The following BTK variants were observed in gnomAD, a reference collection of about 807,000 sequenced individuals.
BTK encodes Bruton tyrosine kinase.
BTK carries 5 observed loss-of-function variants against 57.4 expected under a neutral mutation model. The observed-to-expected ratio is 0.09, with a 90% CI of 0.05 to 0.18. The LOEUF (loss-of-function observed/expected upper bound fraction) is 0.18, where lower values mean the gene tolerates loss of function less well. Among genes scored for constraint, BTK ranks in the 10% least tolerant of loss-of-function variants. The probability of loss-of-function intolerance (pLI) is 1.00; values close to 1 mark genes in which losing one functional copy is unlikely to be tolerated. For synonymous variants in BTK, 154 were observed against 174.3 expected, an observed-to-expected ratio of 0.88 and a Z score of 0.92; for missense variants, 194 against 501.2, an observed-to-expected ratio of 0.39 and a Z score of 5.85.
chrX:101,373,879 T>TA (rs1300228611), intron 3 of BTK, among the ~76,000 whole-genome samples: 1 of 109,082 alleles, frequency 9.2e-6, no homozygotes, highest in Non-Finnish European at 1.9e-5. Context: ...CCGTCTCTAC[T>TA]AAAAAAATAC....
intron 5 of BTK, among the ~76,000 whole-genome samples, chrX:101,364,182 G>T (rs188484951): frequency 0.014 from 1,580 of 108,999 alleles, 32 homozygotes; most frequent in African/African-American, 0.049. Context: ...GCAGAGGCGG[G>T]TAGATCACCT....
At chrX:101,383,884 C>G (rs1266273231) in intron 1 of BTK, among the ~76,000 whole-genome samples, 3 of 111,837 alleles carry the variant, frequency 2.7e-5, no homozygotes, top group Non-Finnish European at 5.6e-5. Flanking sequence ...GTTTCAGGGT[C>G]CTCAGAGGAG....
intron 3 of BTK, 34 bp downstream of exon 3, chrX:101,374,502 C>T (rs1555980779): frequency 2.7e-6 from 3 of 1,107,575 alleles, no homozygotes; most frequent in Non-Finnish European, 3.7e-6. Flanking sequence ...TTCAAATCTG[C>T]TGTTCCCCAT....
At chrX:101,374,454 C>G in intron 3 of BTK, 82 bp downstream of exon 3, 1 of 805,730 alleles carries the variant, frequency 1.2e-6, no homozygotes, top group Non-Finnish European at 1.9e-6. Flanking sequence ...CACAGCATCA[C>G]CAGTCTATTT....
At chrX:101,356,407 A>T (rs782391685) in intron 14 of BTK, 139 bp from the exon 15 acceptor site, 59 of 527,215 alleles carry the variant, frequency 1.1e-4, no homozygotes, top group African/African-American at 1.1e-3. Context: ...CCTCTTTCCC[A>T]CCCTAAATCT....
chrX:101,353,481 A>C, intron 17 of BTK, 130 bp from the exon 18 acceptor site: 3 of 688,306 alleles, frequency 4.4e-6, no homozygotes, highest in Non-Finnish European at 6.8e-6. Context: ...TATTTTGCCC[A>C]AATTTCTGCT....
chrX:101,374,462 T>C, intron 3 of BTK, 74 bp downstream of exon 3: 1 of 892,389 alleles, frequency 1.1e-6, no homozygotes, highest in Non-Finnish European at 1.7e-6. Context: ...CACCAGTCTA[T>C]TTACAGAGAA....
intron 18 of BTK, among the ~76,000 whole-genome samples, chrX:101,350,938 A>G (rs1926267043): frequency 8.9e-6 from 1 of 112,069 alleles, no homozygotes; most frequent in African/African-American, 3.2e-5. Context: ...GTTTAAAAAG[A>G]GATTTCTGGG....
chrX:101,356,291 GTCT>G, intron 14 of BTK, 23 bp from the exon 15 acceptor site: 1 of 1,184,010 alleles, frequency 8.4e-7, no homozygotes, highest in Non-Finnish European at 1.1e-6. Flanking sequence ...CAAGGAACTA[GTCT>G]TCTCCTTTTG....
intron 16 of BTK, chrX:101,354,215 T>C (rs373831747): frequency 2.3e-6 from 1 of 429,513 alleles, no homozygotes; most frequent in Non-Finnish European, 4.1e-6. Flanking sequence ...TGAAGTGAAA[T>C]AAGATCTAGT....
intron 1 of BTK, 140 bp from the exon 2 acceptor site, chrX:101,375,454 C>T: frequency 1.8e-6 from 1 of 563,692 alleles, no homozygotes; most frequent in Admixed American, 2.9e-5. Context: ...CAACCTCCTC[C>T]CACAGCCCCC....
chrX:101,369,542 C>T (rs1926957396), intron 5 of BTK, among the ~76,000 whole-genome samples: 1 of 111,467 alleles, frequency 9.0e-6, no homozygotes, highest in Non-Finnish European at 1.9e-5. Flanking sequence ...TGCCACACCA[C>T]CCTTGTATTC....
At chrX:101,386,661 A>T (rs1192669490), upstream of BTK, among the ~76,000 whole-genome samples, 1 of 110,627 alleles carries the variant, frequency 9.0e-6, no homozygotes, top group Admixed American at 9.7e-5. Flanking sequence ...TAGTGAAGGG[A>T]CCCCAAAGGA....
intron 5 of BTK, among the ~76,000 whole-genome samples, chrX:101,366,145 G>A (rs903410374): frequency 1.8e-5 from 2 of 111,515 alleles, no homozygotes; most frequent in African/African-American, 3.3e-5. Flanking sequence ...GGTGGTGAGC[G>A]CCTGTAATCC....
chrX:101,365,465 C>T lies in BTK; in HGVS notation c.392-2776G>A, dbSNP rs782203363. On this transcript the variant is annotated intron_variant, in intron 5 of 18. Transcript: ENST00000308731. The stretch of plus-strand genomic sequence containing the variant: ...AAGATGACACCCCTTCTTTTGTTGG[C>T]TAATCCAAAGCTGGTATTTCCAGCT... Among the ~76,000 whole-genome samples the T allele has an allele frequency of 6.2e-5, 7 of 112,114 alleles. No individual in the cohort carries two copies. In the South Asian group the frequency reaches 2.6e-3, roughly 42 times the overall value.
intron 8 of BTK, 117 bp from the exon 9 acceptor site, chrX:101,360,267 G>T: frequency 1.7e-6 from 1 of 578,854 alleles, no homozygotes; most frequent in Non-Finnish European, 3.0e-6. Context: ...TATGTATCAT[G>T]CACCTCCCTC....
At chrX:101,366,198 G>A (rs1926844528) in intron 5 of BTK, among the ~76,000 whole-genome samples, 1 of 105,612 alleles carries the variant, frequency 9.5e-6, no homozygotes. Flanking sequence ...CTTGAACGCA[G>A]GAGGCAGAGT....
intron 1 of BTK, among the ~76,000 whole-genome samples, chrX:101,382,223 A>G (rs1320764577): frequency 1.8e-5 from 2 of 110,719 alleles, no homozygotes; most frequent in Non-Finnish European, 3.8e-5. Flanking sequence ...TCAATTTTCG[A>G]AAGCTGCATG....
chrX:101,360,172 A>T, intron 8 of BTK, 22 bp from the exon 9 acceptor site: 1 of 1,150,382 alleles, frequency 8.7e-7, no homozygotes, highest in Non-Finnish European at 1.2e-6. Flanking sequence ...ACAATGTGGC[A>T]GTTCATCCAG....
Sources: allele counts gnomAD v4.1 joint callset (sites outside exome capture counted in the v4.1 genomes callset), GRCh38; gene constraint gnomAD v4.1.1; transcripts MANE v1.5; gene names NCBI Gene and HGNC (gene_info 2026-07-23, HGNC 2026-07-21).